Variants in AMPD3 observed in about 807,000 individuals in gnomAD.
AMPD3 encodes the protein adenosine monophosphate deaminase 3.
In AMPD3, 57 loss-of-function variants were observed where a neutral mutation model predicts 82.3. The ratio of observed to expected loss-of-function variants is 0.69; its 90% CI spans 0.56 to 0.86. AMPD3 has a LOEUF of 0.86. Among genes scored for constraint, AMPD3 ranks in the 40% least tolerant of loss-of-function variants. The pLI, the probability that AMPD3 is intolerant of heterozygous loss-of-function variation, is 0.00. For missense variants in AMPD3, 870 were observed against 1,003.8 expected (o/e 0.87, Z 1.80); for synonymous variants, 381 against 394.7 (o/e 0.97, Z 0.41).
At chr11:10,466,753 C>T (rs958309232) in intron 2 of AMPD3, among the ~76,000 whole-genome samples, 2 of 152,234 alleles carry the variant, frequency 1.3e-5, no homozygotes, top group Non-Finnish European at 2.9e-5. Flanking sequence ...CTGGGAGACA[C>T]CTCCCAGTAG....
chr11:10,464,462 AT>A (rs1392740265), intron 2 of AMPD3, among the ~76,000 whole-genome samples: 9 of 152,224 alleles, frequency 5.9e-5, no homozygotes, highest in African/African-American at 9.6e-5. Flanking sequence ...CCATAAGGCT[AT>A]CCCCTCTTCA....
chr11:10,487,506 T>C, intron 6 of AMPD3, 142 bp downstream of exon 6: 3 of 1,159,226 alleles, frequency 2.6e-6, no homozygotes, highest in Non-Finnish European at 3.8e-6. Context: ...CAGAGGGGTA[T>C]GAAGCATATG....
intron 3 of AMPD3, chr11:10,481,649 C>T: frequency 2.9e-6 from 1 of 350,206 alleles, no homozygotes; most frequent in Non-Finnish European, 4.0e-6. Context: ...GGGAGCGATA[C>T]ATGGAGGATA....
intron 2 of AMPD3, among the ~76,000 whole-genome samples, chr11:10,474,261 G>C (rs147459623): frequency 6.6e-6 from 1 of 152,168 alleles, no homozygotes; most frequent in African/African-American, 2.4e-5. Context: ...TGGGGTCCAC[G>C]TGTGGCCCCC....
chr11:10,489,446 G>T (rs1423796713), intron 6 of AMPD3, among the ~76,000 whole-genome samples: 1 of 152,164 alleles, frequency 6.6e-6, no homozygotes, highest in Admixed American at 6.5e-5. Flanking sequence ...CTGCCCTCTG[G>T]CCACAACATG....
intron 10 of AMPD3, chr11:10,497,638 C>A (rs1849455009): frequency 1.0e-6 from 1 of 985,206 alleles, no homozygotes; most frequent in African/African-American, 1.7e-5. Flanking sequence ...AGTGACTGGA[C>A]AAGCTGAGGG....
rs114074393 is a variant in AMPD3 at position 10,463,299 on chromosome 11, G to T, written c.221+1559G>T. ...AAGAACAGAGCTTCACCACTCATAA[G>T]ACCAGTGCTTTCCTTCCTTGAAAGG... On this transcript the variant is annotated intron_variant, in intron 2 of 14. Transcript: ENST00000396553. Among the ~76,000 whole-genome samples, 1,274 of 152,342 alleles carry T rather than the reference G, an allele frequency of 8.4e-3. 15 individuals carry two copies. Among genetic ancestry groups the T allele is most frequent in the African/African-American group, 0.029 (1,202 of 41,572 alleles).
intron 6 of AMPD3, among the ~76,000 whole-genome samples, chr11:10,492,697 G>T (rs927618858): frequency 3.9e-5 from 6 of 152,208 alleles, no homozygotes; most frequent in East Asian, 1.9e-4. Flanking sequence ...TCTAGTGAAA[G>T]CGTAGACACA....
Position 10,501,545 on chromosome 11 carries a change from C to T in AMPD3, c.1797C>T (p.Ala599=). 1 of 1,614,190 alleles carries T rather than the reference C, an allele frequency of 6.2e-7. No homozygotes were observed. The highest frequency in any genetic ancestry group is 8.5e-7 in the Non-Finnish European group (1 of 1,180,030). ...GCTCCATCACCCACCTGGTGTCTGC[C>T]TTCCTCACTGCTGACAACATTTCCC... ...EAGSITHLVS[A]FLTADNISHG... Residue 599 remains alanine (A), a synonymous_variant, in exon 12 of 15, where the codon GCC becomes GCT. Transcript: ENST00000396553.
At chr11:10,500,504 A>G (rs1274181391) in intron 11 of AMPD3, 1 of 708,142 alleles carries the variant, frequency 1.4e-6, no homozygotes, top group Non-Finnish European at 1.7e-6. Flanking sequence ...TGTCATGTAC[A>G]GTATGCAATG....
chr11:10,490,692 A>G (rs1849214945), intron 6 of AMPD3: 1 of 972,196 alleles, frequency 1.0e-6, no homozygotes, highest in Middle Eastern at 5.3e-4. Flanking sequence ...TCATGGGGGT[A>G]AGGACAGGCT....
chr11:10,498,323 G>A (rs79088295), intron 10 of AMPD3: 11,386 of 152,710 alleles, frequency 0.075, 708 homozygotes, highest in African/African-American at 0.17. Context: ...CATGGATGAT[G>A]TGCTGTCCGA....
chr11:10,473,829 T>C (rs753092532), intron 2 of AMPD3, among the ~76,000 whole-genome samples: 1 of 152,182 alleles, frequency 6.6e-6, no homozygotes, highest in Non-Finnish European at 1.5e-5. Flanking sequence ...AGTGTGAGCC[T>C]ATGGAAGTGG....
intron 2 of AMPD3, among the ~76,000 whole-genome samples, chr11:10,462,951 G>A (rs1848315197): frequency 2.0e-5 from 3 of 152,188 alleles, no homozygotes; most frequent in Admixed American, 1.3e-4. Context: ...GACCAGGGCT[G>A]GAGGACTTGT....
chr11:10,504,702 C>T lies in AMPD3; in HGVS notation c.2127+43C>T, dbSNP rs770214137. ...GCTGCCTGTGTCCCTCCTGGGAAGG[C>T]TGCCTGCTGTGTGCCAGGAGCCTTC... On this transcript the variant is annotated intron_variant, in intron 14 of 14. Coordinates refer to ENST00000396553, the MANE Select transcript of AMPD3 (RefSeq NM_001025389.2). The T allele has an allele frequency of 8.3e-6, 13 of 1,571,810 alleles. No homozygotes were observed. In the Admixed American group the frequency reaches 2.2e-4, roughly 26 times the overall value.
In AMPD3 at chr11:10,487,221, T is replaced by C; in HGVS notation, c.810-14T>C. The C allele has an allele frequency of 6.2e-7, 1 of 1,613,932 alleles. No homozygotes were observed. Among genetic ancestry groups the C allele is most frequent in the Non-Finnish European group, 8.5e-7 (1 of 1,179,930 alleles). On this transcript the variant is annotated splice_polypyrimidine_tract_variant and intron_variant, in intron 5 of 14. Coordinates refer to ENST00000396553, the MANE Select transcript of AMPD3 (RefSeq NM_001025389.2). Reference sequence around the variant, plus strand: ...GCGACTCAACTATGGTCTCTCCCCATCTCCAACTTGCAGGAAAACCTATTG... The same window carrying C: ...GCGACTCAACTATGGTCTCTCCCCACCTCCAACTTGCAGGAAAACCTATTG...
chr11:10,478,110 C>G, intron 2 of AMPD3: 1 of 985,402 alleles, frequency 1.0e-6, no homozygotes, highest in Non-Finnish European at 1.2e-6. Context: ...TATGTTGGGA[C>G]TGAGAGTTTG....
At chr11:10,470,998 T>G (rs1337451922) in intron 2 of AMPD3, among the ~76,000 whole-genome samples, 1 of 152,220 alleles carries the variant, frequency 6.6e-6, no homozygotes, top group African/African-American at 2.4e-5. Flanking sequence ...AGAGCCTGTA[T>G]AGCCAAGACA....
intron 2 of AMPD3, among the ~76,000 whole-genome samples, chr11:10,465,504 A>G (rs1404323351): frequency 6.6e-6 from 1 of 152,202 alleles, no homozygotes; most frequent in East Asian, 1.9e-4. Flanking sequence ...CTGCATTTCC[A>G]ACTGAGGTAC....
Sources: gnomAD v4.1 joint callset for allele counts (sites outside exome capture counted in the v4.1 genomes callset) on GRCh38, gnomAD v4.1.1 for gene constraint, MANE v1.5 for transcripts, NCBI Gene and HGNC (gene_info 2026-07-23, HGNC 2026-07-21) for gene names.